Variants in CNTN5 observed in about 807,000 individuals in gnomAD.
CNTN5 encodes contactin-5.
A neutral mutation model predicts 129.1 loss-of-function variants in CNTN5; 77 were observed. That is an observed-to-expected ratio of 0.60 (90% confidence interval 0.50 to 0.72). CNTN5 has a LOEUF of 0.72. CNTN5 is among the 30% of genes least tolerant of loss of function. The pLI, the probability that CNTN5 is intolerant of heterozygous loss-of-function variation, is 0.00. For missense variants in CNTN5, 1,478 were observed against 1,328.8 expected, an observed-to-expected ratio of 1.11 and a Z score of -1.75; for synonymous variants, 509 against 465.6, an observed-to-expected ratio of 1.09 and a Z score of -1.20.
At chr11:99,182,046 T>A (rs1460371033) in intron 1 of CNTN5, among the ~76,000 whole-genome samples, 1 of 152,184 alleles carries the variant, frequency 6.6e-6, no homozygotes, top group African/African-American at 2.4e-5. Flanking sequence ...TGTAATCCAC[T>A]CATCCACATT....
intron 2 of CNTN5, among the ~76,000 whole-genome samples, chr11:99,408,493 A>AGAAAGAAAGAAAGAAG (rs1942235771): frequency 2.7e-5 from 4 of 147,040 alleles, no homozygotes; most frequent in African/African-American, 5.0e-5. Context: ...AAAGAAAGAA[A>AGAAAGAAAGAAAGAAG]GAAAGAAAGA....
At chr11:100,023,282 AAT>A (rs1162813183) in intron 9 of CNTN5, among the ~76,000 whole-genome samples, 7 of 152,128 alleles carry the variant, frequency 4.6e-5, no homozygotes, top group African/African-American at 1.7e-4. Flanking sequence ...ATCTTCTGTT[AAT>A]CACCTCCAGT....
At chr11:100,024,083 TC>T (rs984614600) in intron 9 of CNTN5, among the ~76,000 whole-genome samples, 1 of 152,194 alleles carries the variant, frequency 6.6e-6, no homozygotes, top group African/African-American at 2.4e-5. Flanking sequence ...TGAATTGTAA[TC>T]CCTGTAATTC....
chr11:99,380,783 A>AAG (rs1555126511), intron 2 of CNTN5, among the ~76,000 whole-genome samples: 3 of 90,046 alleles, frequency 3.3e-5, no homozygotes, highest in Admixed American at 1.1e-4. Context: ...AAAAAAAAAA[A>AAG]AAAGAAAAGA....
chr11:100,317,343 G>T (rs1037185312), intron 21 of CNTN5, among the ~76,000 whole-genome samples: 2 of 152,158 alleles, frequency 1.3e-5, no homozygotes, highest in Non-Finnish European at 2.9e-5. Context: ...AGGGGAAAAA[G>T]AAGCTAAAAT....
intron 3 of CNTN5, among the ~76,000 whole-genome samples, chr11:99,623,394 C>T (rs1951018806): frequency 1.3e-5 from 2 of 152,102 alleles, no homozygotes; most frequent in African/African-American, 4.8e-5. Context: ...ATGAACTTGG[C>T]TCTCAGCCAC....
intron 1 of CNTN5, among the ~76,000 whole-genome samples, chr11:99,025,429 G>A (rs541343663): frequency 9.2e-5 from 14 of 151,868 alleles, no homozygotes; most frequent in East Asian, 7.7e-4. Context: ...TATGAAGGGC[G>A]TAGAGATGTT....
At chr11:99,144,538 TCTC>T (rs1859682835) in intron 1 of CNTN5, among the ~76,000 whole-genome samples, 1 of 152,186 alleles carries the variant, frequency 6.6e-6, no homozygotes, top group African/African-American at 2.4e-5. Context: ...TGCCGTCTCC[TCTC>T]CTCCTGGAAC....
intron 3 of CNTN5, among the ~76,000 whole-genome samples, chr11:99,664,950 G>A (rs1952729913): frequency 6.6e-6 from 1 of 152,108 alleles, no homozygotes; most frequent in Non-Finnish European, 1.5e-5. Flanking sequence ...TTTCCTGGTA[G>A]CACTAAAGCT....
intron 2 of CNTN5, among the ~76,000 whole-genome samples, chr11:99,554,698 A>C (rs891553822): frequency 1.3e-5 from 2 of 152,098 alleles, no homozygotes; most frequent in Admixed American, 1.3e-4. Context: ...TTAATCATGA[A>C]TTGAAACTTT....
chr11:99,491,181 C>T (rs986298688), intron 2 of CNTN5, among the ~76,000 whole-genome samples: 5 of 152,016 alleles, frequency 3.3e-5, no homozygotes, highest in African/African-American at 1.2e-4. Flanking sequence ...CAATCATTCC[C>T]ATGTATTTGT....
intron 13 of CNTN5, among the ~76,000 whole-genome samples, chr11:100,094,998 C>T (rs1944954464): frequency 6.6e-6 from 1 of 152,066 alleles, no homozygotes; most frequent in Non-Finnish European, 1.5e-5. Flanking sequence ...TTAAAAATTA[C>T]TTAAGCTAAG....
intron 2 of CNTN5, among the ~76,000 whole-genome samples, chr11:99,369,065 G>T (rs1939648402): frequency 7.0e-6 from 1 of 143,458 alleles, no homozygotes; most frequent in Admixed American, 7.2e-5. Context: ...CTGAGAAAAA[G>T]GAATGCTATC....
intron 1 of CNTN5, among the ~76,000 whole-genome samples, chr11:99,031,671 C>G (rs542013078): frequency 6.6e-6 from 1 of 151,850 alleles, no homozygotes; most frequent in Non-Finnish European, 1.5e-5. Flanking sequence ...GATATTTCAC[C>G]TGAAACAAAG....
intron 3 of CNTN5, among the ~76,000 whole-genome samples, chr11:99,636,205 C>A (rs1013370708): frequency 2.0e-5 from 3 of 151,932 alleles, no homozygotes; most frequent in Non-Finnish European, 4.4e-5. Flanking sequence ...CTACTTTTAT[C>A]TTTAACTATT....
intron 3 of CNTN5, among the ~76,000 whole-genome samples, chr11:99,662,162 G>T (rs1952617360): frequency 6.6e-6 from 1 of 152,038 alleles, no homozygotes. Flanking sequence ...ATACTTAAAA[G>T]TGTTTAAACT....
intron 10 of CNTN5, among the ~76,000 whole-genome samples, chr11:100,066,682 GT>G (rs1943707615): frequency 6.6e-6 from 1 of 151,828 alleles, no homozygotes; most frequent in African/African-American, 2.4e-5. Flanking sequence ...AAGTTATTAG[GT>G]TTGTTTTAAA....
At chr11:99,899,522 C>G (rs1015415650) in intron 6 of CNTN5, among the ~76,000 whole-genome samples, 3 of 151,878 alleles carry the variant, frequency 2.0e-5, no homozygotes, top group African/African-American at 7.3e-5. Flanking sequence ...TGTGGTGGAT[C>G]ATGTTTATTG....
intron 18 of CNTN5, among the ~76,000 whole-genome samples, chr11:100,283,979 A>T (rs762950999): frequency 1.3e-5 from 2 of 152,112 alleles, no homozygotes; most frequent in Admixed American, 6.6e-5. Flanking sequence ...ATAAATAAAT[A>T]AATTCCCTCT....
Sources: allele counts gnomAD v4.1 joint callset (sites outside exome capture counted in the v4.1 genomes callset), GRCh38; gene constraint gnomAD v4.1.1; transcripts MANE v1.5; gene names NCBI Gene and HGNC (gene_info 2026-07-23, HGNC 2026-07-21).